PTPRG: variants seen among roughly 807,000 people sequenced by gnomAD.
The protein encoded by PTPRG is protein tyrosine phosphatase receptor type G, also known as receptor-type tyrosine-protein phosphatase gamma.
PTPRG carries 102 observed loss-of-function variants against 165.3 expected under a neutral mutation model. The observed-to-expected ratio is 0.62, with a 90% CI of 0.53 to 0.73. The LOEUF (loss-of-function observed/expected upper bound fraction) is 0.73. Among genes scored for constraint, PTPRG ranks in the 30% least tolerant of loss-of-function variants. PTPRG has a pLI of 0.00. For synonymous variants in PTPRG, 675 were observed against 669.5 expected, an observed-to-expected ratio of 1.01 and a Z score of -0.13; for missense variants, 1,866 against 1,861.4, an observed-to-expected ratio of 1.00 and a Z score of -0.05.
chr3:61,961,071 G>T (rs1296344900), intron 2 of PTPRG, among the ~76,000 whole-genome samples: 1 of 152,112 alleles, frequency 6.6e-6, no homozygotes, highest in Non-Finnish European at 1.5e-5. Flanking sequence ...GGCCAAACAG[G>T]CAGTAAAGTG....
intron 2 of PTPRG, among the ~76,000 whole-genome samples, chr3:61,900,143 G>T (rs995365849): frequency 1.3e-4 from 19 of 145,980 alleles, no homozygotes; most frequent in Admixed American, 4.1e-4. Flanking sequence ...TAGAAATAGT[G>T]TTTTTTTTTT....
chr3:62,074,180 AGTGTGTGT>A (rs140019903), intron 4 of PTPRG, among the ~76,000 whole-genome samples: 38 of 143,686 alleles, frequency 2.6e-4, no homozygotes, highest in Middle Eastern at 3.7e-3. Context: ...AAAAAGTGAG[AGTGTGTGT>A]GTGTGTGTGT....
At chr3:62,072,628 T>C (rs1701248014) in intron 4 of PTPRG, among the ~76,000 whole-genome samples, 1 of 147,374 alleles carries the variant, frequency 6.8e-6, no homozygotes, top group Admixed American at 6.8e-5. Flanking sequence ...TGTGTGTGTG[T>C]GTGTGTGTGT....
intron 5 of PTPRG, among the ~76,000 whole-genome samples, chr3:62,116,514 A>AC (rs1702874796): frequency 1.3e-5 from 2 of 152,206 alleles, no homozygotes; most frequent in African/African-American, 4.8e-5. Flanking sequence ...TACTACTTGG[A>AC]CAAACATGGG....
intron 5 of PTPRG, among the ~76,000 whole-genome samples, chr3:62,108,007 A>G (rs191449598): frequency 4.7e-4 from 71 of 151,780 alleles, no homozygotes; most frequent in Non-Finnish European, 4.1e-4. Context: ...CCAACTTTGT[A>G]ATCTTGGTGT....
At chr3:61,610,646 A>T (rs547321095) in intron 1 of PTPRG, among the ~76,000 whole-genome samples, 5 of 152,364 alleles carry the variant, frequency 3.3e-5, no homozygotes, top group African/African-American at 1.2e-4. Context: ...TTAATAAGAC[A>T]AATATTCCTC....
At chr3:62,286,882 T>C (rs1702684198) in intron 28 of PTPRG, among the ~76,000 whole-genome samples, 1 of 152,200 alleles carries the variant, frequency 6.6e-6, no homozygotes, top group Non-Finnish European at 1.5e-5. Context: ...TCCTAAACTT[T>C]TGAAAGAGAA....
intron 2 of PTPRG, among the ~76,000 whole-genome samples, chr3:61,767,778 A>G (rs552937597): frequency 9.2e-5 from 14 of 152,054 alleles, no homozygotes; most frequent in Admixed American, 9.2e-4. Context: ...AGACCAGCCT[A>G]AGCAACATAG....
At chr3:61,812,571 G>T (rs1382497399) in intron 2 of PTPRG, among the ~76,000 whole-genome samples, 1 of 152,180 alleles carries the variant, frequency 6.6e-6, no homozygotes, top group Non-Finnish European at 1.5e-5. Context: ...AGAAATGGAT[G>T]CCTTTGCTCA....
chr3:61,913,542 TAC>T lies in PTPRG; in HGVS notation c.191-76081_191-76080del, dbSNP rs2038856927. ...CCGAGGGACACCTTTTTCTGATTCA[TAC>T]AGATGCACTCTACGAGTGCATATGT... On this transcript the variant is annotated intron_variant, in intron 2 of 29. Coordinates refer to ENST00000474889, the MANE Select transcript of PTPRG (RefSeq NM_002841.4). Among the ~76,000 whole-genome samples the T allele has an allele frequency of 4.6e-5, 7 of 152,258 alleles. No individual in the cohort carries two copies. The South Asian group carries it at 1.5e-3, about 32-fold the overall frequency.
intron 5 of PTPRG, among the ~76,000 whole-genome samples, chr3:62,096,447 G>A (rs935550815): frequency 6.6e-6 from 1 of 152,106 alleles, no homozygotes. Context: ...CTTGTTTTAT[G>A]TGTGTTATGT....
chr3:62,203,200 G>T lies in PTPRG; in HGVS notation c.1405G>T (p.Asp469Tyr). 6.2e-7 allele frequency: 1 copy of T among 1,602,656 alleles called. No homozygotes were observed. Among genetic ancestry groups the T allele is most frequent in the Non-Finnish European group, 8.5e-7 (1 of 1,172,220 alleles). ...CACAGCGTCTCCTGCCTCTTCAGCC[G>T]ACATGGCCCCCATCAGCTCGGGGTC... The part of the protein sequence containing the change: ...VPTASPASSA[D>Y]MAPISSGSST... Residue 469 changes from aspartate to tyrosine, a missense_variant, in exon 12 of 30, where the codon GAC becomes TAC. By Grantham distance (160) the Asp-to-Tyr change is radical (BLOSUM62 -3). Around this residue, in one of 3 missense-constraint regions of PTPRG, gnomAD observed 1,452 missense variants for 1,463.0 expected, o/e 0.99. Coordinates refer to ENST00000474889, the MANE Select transcript of PTPRG (RefSeq NM_002841.4). The surrounding 1 kb of genome is among the most constrained non-coding windows in gnomAD (Gnocchi z 6.4).
At chr3:62,164,663 C>T (rs901183120) in intron 7 of PTPRG, among the ~76,000 whole-genome samples, 11 of 152,132 alleles carry the variant, frequency 7.2e-5, no homozygotes, top group African/African-American at 2.7e-4. Flanking sequence ...AGGAAGCCAC[C>T]ATGCTTTTAA....
At chr3:61,979,890 T>A (rs1236971739) in intron 2 of PTPRG, among the ~76,000 whole-genome samples, 2 of 152,188 alleles carry the variant, frequency 1.3e-5, no homozygotes, top group Admixed American at 1.3e-4. Flanking sequence ...ACCAGGCCCC[T>A]GTGCTGTTGA....
intron 1 of PTPRG, among the ~76,000 whole-genome samples, chr3:61,697,246 T>C (rs2030656479): frequency 6.6e-6 from 1 of 152,128 alleles, no homozygotes. Flanking sequence ...AGAGAGATGC[T>C]GTTGGGGCTC....
intron 4 of PTPRG, among the ~76,000 whole-genome samples, chr3:62,032,399 C>G (rs1476829962): frequency 6.6e-6 from 1 of 152,180 alleles, no homozygotes; most frequent in Non-Finnish European, 1.5e-5. Context: ...ATCCAACACA[C>G]CATTTGCTGA....
At chr3:61,956,392 T>C (rs40494) in intron 2 of PTPRG, among the ~76,000 whole-genome samples, 15,529 of 151,146 alleles carry the variant, frequency 0.1, 1,023 homozygotes, top group East Asian at 0.24. Context: ...GGCAGCAGAA[T>C]CATTTCACAA....
intron 1 of PTPRG, among the ~76,000 whole-genome samples, chr3:61,662,449 G>T (rs567172161): frequency 6.6e-6 from 1 of 152,316 alleles, no homozygotes; most frequent in East Asian, 1.9e-4. Context: ...GCTGACTGCA[G>T]TGCAGCCAAC....
At chr3:62,270,201 C>CT (rs956569061) in intron 20 of PTPRG, among the ~76,000 whole-genome samples, 3 of 147,916 alleles carry the variant, frequency 2.0e-5, no homozygotes, top group Admixed American at 6.7e-5. Flanking sequence ...TTTTTTTTTT[C>CT]TTGGTGTCTT....
Sources: allele counts gnomAD v4.1 joint callset (sites outside exome capture counted in the v4.1 genomes callset), GRCh38; gene constraint gnomAD v4.1.1; regional missense constraint gnomAD v4.1.1; non-coding constraint Gnocchi (gnomAD v3.1); transcripts MANE v1.5; gene names NCBI Gene and HGNC (gene_info 2026-07-23, HGNC 2026-07-21).